ACOT12: variants seen among roughly 807,000 people sequenced by gnomAD.
The protein encoded by ACOT12 is acetyl-coenzyme A thioesterase.
In ACOT12, 51 loss-of-function variants were observed where a neutral mutation model predicts 67.7. That is an observed-to-expected ratio of 0.75 (90% CI 0.60 to 0.95). The LOEUF (loss-of-function observed/expected upper bound fraction) is 0.95. Ranked by LOEUF, ACOT12 falls within the 40% of genes least tolerant of loss-of-function variation. ACOT12 has a pLI of 0.00. For synonymous variants in ACOT12, 251 were observed against 244.6 expected (o/e 1.03, Z -0.24); for missense variants, 734 against 708.1 (o/e 1.04, Z -0.41).
At chr5:81,309,843 A>C in the ACOT12 span, among the ~76,000 whole-genome samples, 5 of 152,206 alleles carry the variant, frequency 3.3e-5, no homozygotes, top group Non-Finnish European at 7.3e-5. Flanking sequence ...AATCTCTTGG[A>C]AATCAGAATG....
chr5:81,344,034 G>C, intron 9 of ACOT12, 126 bp downstream of exon 9: 1 of 1,258,536 alleles, frequency 7.9e-7, no homozygotes, highest in Non-Finnish European at 1.1e-6. Flanking sequence ...GTCAGCCTTT[G>C]CGGCCAGGAA....
Position 81,335,774 on chromosome 5 carries a change from TG to T in ACOT12, c.1255del (p.His419IlefsTer8). The T allele has an allele frequency of 6.2e-7, 1 of 1,606,856 alleles. No individual in the cohort carries two copies. Among genetic ancestry groups the T allele is most frequent in the African/African-American group, 1.3e-5 (1 of 74,474 alleles). On this transcript the variant is annotated frameshift_variant, in exon 12 of 15. Transcript: ENST00000307624. LOFTEE classifies it high-confidence loss of function. ...DFTKRPLWDP[H>X]FVSCEVIDWV... ...TTTTTAAATTTGTTCTTACACAAAA[TG>T]GGGGTCCCACAAAGGTCGCTTTGTA...
chr5:81,358,647 C>T (rs542928519), intron 5 of ACOT12, among the ~76,000 whole-genome samples: 53 of 152,210 alleles, frequency 3.5e-4, no homozygotes, highest in African/African-American at 8.7e-4. Context: ...GTTGGGAGTT[C>T]GAGACCAGCC....
chr5:81,368,295 A>AAATAAT (rs760857267), intron 3 of ACOT12, among the ~76,000 whole-genome samples: 2 of 151,904 alleles, frequency 1.3e-5, no homozygotes, highest in African/African-American at 2.4e-5. Flanking sequence ...CCATCTCAAA[A>AAATAAT]AATAATAATA....
intron 11 of ACOT12, 34 bp downstream of exon 11, chr5:81,342,638 C>A (rs755063332): frequency 1.9e-6 from 3 of 1,605,750 alleles, no homozygotes; most frequent in East Asian, 2.2e-5. Context: ...TTGTGATGGG[C>A]GATGGATTAT....
chr5:81,310,157 T>TAAAAAAAAAAAAAAA, the ACOT12 span, among the ~76,000 whole-genome samples: 114 of 104,726 alleles, frequency 1.1e-3, 2 homozygotes, highest in African/African-American at 2.5e-3. Context: ...TGACTAGCTG[T>TAAAAAAAAAAAAAAA]AAAAAAAAAA....
At chr5:81,325,200 C>T (rs1294532865), downstream of ACOT12, among the ~76,000 whole-genome samples, 2 of 152,134 alleles carry the variant, frequency 1.3e-5, no homozygotes, top group Non-Finnish European at 2.9e-5. Context: ...GGAAAAGACT[C>T]CTGCCTGATG....
the ACOT12 span, chr5:81,311,205 C>T: frequency 3.1e-6 from 5 of 1,614,034 alleles, no homozygotes; most frequent in Non-Finnish European, 4.2e-6. Context: ...TTTGCTCTTT[C>T]AATAGGTGGC....
At chr5:81,360,273 TTCTC>T (rs1396725898) in intron 4 of ACOT12, among the ~76,000 whole-genome samples, 41 of 152,182 alleles carry the variant, frequency 2.7e-4, no homozygotes, top group African/African-American at 9.4e-4. Context: ...GCTTTAAAAA[TTCTC>T]TCTATTATTT....
At chr5:81,360,469 T>A (rs947188444) in intron 4 of ACOT12, among the ~76,000 whole-genome samples, 4 of 152,340 alleles carry the variant, frequency 2.6e-5, no homozygotes, top group Admixed American at 1.3e-4. Context: ...AATAAAGATG[T>A]TCTAGAGAAA....
the ACOT12 span, among the ~76,000 whole-genome samples, chr5:81,316,188 A>T: frequency 0.015 from 2,265 of 152,320 alleles, 45 homozygotes; most frequent in African/African-American, 0.052. Flanking sequence ...TAAAATTCAC[A>T]CTTTTAAAGT....
rs962442791 is a variant in ACOT12, at chr5:81,371,826, C to G, written c.198-16G>C. On this transcript the variant is annotated splice_polypyrimidine_tract_variant and intron_variant, in intron 2 of 14. Coordinates refer to ENST00000307624, the MANE Select transcript of ACOT12 (RefSeq NM_130767.3). ...TTGTCCAACTCTAGGGAAAAACAAA[C>G]AAAAAAACCTCAGTAGTTTTAGCAC... is the stretch of plus-strand genomic sequence containing the variant. 6.2e-7 allele frequency: 1 copy of G among 1,610,066 alleles called. No individual in the cohort carries two copies. The highest frequency in any genetic ancestry group is 1.3e-5 in the African/African-American group (1 of 74,700).
At position 81,394,033 on chromosome 5, in the gene ACOT12, C is replaced by A; in HGVS notation, c.82G>T (p.Ala28Ser). 1 of 1,469,150 alleles carries A rather than the reference C, an allele frequency of 6.8e-7. No homozygotes were observed. The highest frequency in any genetic ancestry group is 2.9e-5 in the East Asian group (1 of 34,100). 91.0% of individuals were successfully genotyped at this position (1,469,150 alleles called of 1,614,324 possible). ...TCGATCCACTTGAGCAGCTGCCCCG[C>A]GCTCAGCTCGCCGCGCGCAGTGGCG... ...AHATARGELSAGQLLKWIDTT... is the reference protein window; with the variant it reads ...AHATARGELSSGQLLKWIDTT... The change falls in exon 1 of 15, where the codon GCG becomes TCG. Residue 28 changes from alanine to serine, a missense_variant. Transcript: ENST00000307624.
chr5:81,331,993 T>C (rs148203504), intron 13 of ACOT12, among the ~76,000 whole-genome samples: 147 of 152,302 alleles, frequency 9.7e-4, no homozygotes, highest in Non-Finnish European at 1.6e-3. Context: ...CTCATATGTG[T>C]GTGGGATTAT....
chr5:81,380,787 CAGTTATGCCT>C (rs1760560187), intron 2 of ACOT12, among the ~76,000 whole-genome samples: 1 of 152,058 alleles, frequency 6.6e-6, no homozygotes, highest in African/African-American at 2.4e-5. Context: ...TATCTACTTA[CAGTTATGCCT>C]AGTTTAATGA....
chr5:81,379,097 T>C (rs1160472521), intron 2 of ACOT12, among the ~76,000 whole-genome samples: 2 of 152,094 alleles, frequency 1.3e-5, no homozygotes, highest in African/African-American at 4.8e-5. Context: ...CCATCAATGA[T>C]AGACTGGATA....
At chr5:81,387,259 C>G (rs1344138236) in intron 1 of ACOT12, among the ~76,000 whole-genome samples, 1 of 152,074 alleles carries the variant, frequency 6.6e-6, no homozygotes, top group Non-Finnish European at 1.5e-5. Context: ...CCTGCCTCAG[C>G]CTCCCAAAGT....
intron 3 of ACOT12, among the ~76,000 whole-genome samples, chr5:81,365,586 A>G (rs553635643): frequency 6.6e-6 from 1 of 152,362 alleles, no homozygotes; most frequent in South Asian, 2.1e-4. Flanking sequence ...AAATGTTTCA[A>G]AAACATATGC....
chr5:81,343,775 G>C (rs1345011697), intron 10 of ACOT12, 43 bp downstream of exon 10: 2 of 1,594,962 alleles, frequency 1.3e-6, no homozygotes, highest in African/African-American at 1.4e-5. Flanking sequence ...TTTTTGTAAT[G>C]ATGAGACTTT....
Sources: gnomAD v4.1 joint callset for allele counts (sites outside exome capture counted in the v4.1 genomes callset) on GRCh38, gnomAD v4.1.1 for gene constraint, MANE v1.5 for transcripts, NCBI Gene and HGNC (gene_info 2026-07-23, HGNC 2026-07-21) for gene names.